Variants in ZNF385D observed in about 807,000 individuals in gnomAD.
ZNF385D encodes the protein zinc finger protein 659.
In ZNF385D, 15 loss-of-function variants were observed where a neutral mutation model predicts 35.8. That is an observed-to-expected ratio of 0.42 (90% CI 0.28 to 0.64). The LOEUF is 0.64. Among genes scored for constraint, ZNF385D ranks in the 30% least tolerant of loss-of-function variants. ZNF385D has a pLI of 0.23. For missense variants in ZNF385D, 474 were observed against 494.6 expected, an observed-to-expected ratio of 0.96 and a Z score of 0.39; for synonymous variants, 212 against 186.8, an observed-to-expected ratio of 1.13 and a Z score of -1.10.
intron 1 of ZNF385D, among the ~76,000 whole-genome samples, chr3:21,688,066 C>T (rs555517378): frequency 5.8e-4 from 88 of 152,088 alleles, no homozygotes; most frequent in African/African-American, 2.0e-3. Flanking sequence ...TTTTAAACAT[C>T]ATGGTAACTT....
At chr3:22,245,760 G>A (rs577259349) in intron 2 of ZNF385D, among the ~76,000 whole-genome samples, 1 of 142,704 alleles carries the variant, frequency 7.0e-6, no homozygotes, top group Admixed American at 6.9e-5. Flanking sequence ...GTGGTGGGGA[G>A]GGGGGGCTAT....
intron 4 of ZNF385D, among the ~76,000 whole-genome samples, chr3:21,460,657 ATATTT>A (rs1281246531): frequency 1.6e-4 from 25 of 152,242 alleles, no homozygotes; most frequent in African/African-American, 6.0e-4. Flanking sequence ...TGTGTAAAAA[ATATTT>A]TATATCATTT....
chr3:21,850,185 A>G (rs1316764412), intron 3 of ZNF385D, among the ~76,000 whole-genome samples: 1 of 152,098 alleles, frequency 6.6e-6, no homozygotes, highest in Admixed American at 6.6e-5. Context: ...TACTCACTTT[A>G]TCAAACATTT....
chr3:22,165,091 T>C (rs1017393234), intron 3 of ZNF385D, among the ~76,000 whole-genome samples: 3 of 152,212 alleles, frequency 2.0e-5, no homozygotes, highest in Non-Finnish European at 4.4e-5. Context: ...ATACATGTCA[T>C]TACACATTTT....
At chr3:22,214,610 C>T (rs13090794) in intron 2 of ZNF385D, among the ~76,000 whole-genome samples, 54,242 of 151,718 alleles carry the variant, frequency 0.36, 10,098 homozygotes, top group African/African-American at 0.44. Flanking sequence ...CTAAAATGGC[C>T]GCTTCAGGGG....
chr3:22,030,285 A>ATATATATATATATATGTATG (rs1697896000), intron 3 of ZNF385D, among the ~76,000 whole-genome samples: 1 of 86,744 alleles, frequency 1.2e-5, no homozygotes, highest in Admixed American at 1.1e-4. Context: ...ATATATATAT[A>ATATATATATATATATGTATG]TATATATATA....
chr3:21,588,177 A>G (rs780312656), intron 2 of ZNF385D, among the ~76,000 whole-genome samples: 2 of 152,192 alleles, frequency 1.3e-5, no homozygotes, highest in Non-Finnish European at 2.9e-5. Context: ...AAACAGAATC[A>G]TAATTAGAAA....
intron 3 of ZNF385D, among the ~76,000 whole-genome samples, chr3:22,126,877 T>A (rs1703463801): frequency 6.6e-6 from 1 of 152,190 alleles, no homozygotes; most frequent in African/African-American, 2.4e-5. Flanking sequence ...TATACAGTTA[T>A]AATTGGTATA....
At chr3:21,827,906 A>T (rs1041182416) in intron 3 of ZNF385D, among the ~76,000 whole-genome samples, 5 of 152,054 alleles carry the variant, frequency 3.3e-5, no homozygotes, top group Admixed American at 3.3e-4. Flanking sequence ...GAGTGTTGGT[A>T]GAGGGCTTAA....
upstream of ZNF385D, chr3:21,751,321 C>G (rs1266572704): frequency 1.9e-6 from 2 of 1,069,256 alleles, no homozygotes; most frequent in Admixed American, 5.1e-5. Context: ...TCTCGGGAAG[C>G]TTTGACGAGC....
At chr3:21,736,962 C>T (rs189849287) in intron 1 of ZNF385D, among the ~76,000 whole-genome samples, 171 of 152,198 alleles carry the variant, frequency 1.1e-3, no homozygotes, top group African/African-American at 3.7e-3. Context: ...TTTTTTGAGG[C>T]GGAGTCTCGC....
upstream of ZNF385D, among the ~76,000 whole-genome samples, chr3:21,755,165 C>T (rs928650732): frequency 6.6e-6 from 1 of 152,168 alleles, no homozygotes; most frequent in African/African-American, 2.4e-5. Flanking sequence ...CATTGCCTCG[C>T]CCTTGGCTTT....
chr3:21,753,052 G>A (rs1018833317), upstream of ZNF385D, among the ~76,000 whole-genome samples: 8 of 152,114 alleles, frequency 5.3e-5, no homozygotes, highest in African/African-American at 1.2e-4. Flanking sequence ...TAGGAGATTT[G>A]AAACATTAAA....
intron 3 of ZNF385D, among the ~76,000 whole-genome samples, chr3:21,927,541 A>G (rs1700789939): frequency 6.6e-6 from 1 of 152,194 alleles, no homozygotes; most frequent in South Asian, 2.1e-4. Context: ...ACGAAACAAA[A>G]AGAGATTGCT....
At chr3:21,761,878 T>A (rs2070629494) in intron 3 of ZNF385D, among the ~76,000 whole-genome samples, 1 of 92,602 alleles carries the variant, frequency 1.1e-5, no homozygotes, top group African/African-American at 3.4e-5. Context: ...CCTTTTTTTT[T>A]TTTTTTTTTT....
At chr3:21,823,230 T>C (rs553180662) in intron 3 of ZNF385D, among the ~76,000 whole-genome samples, 3 of 152,226 alleles carry the variant, frequency 2.0e-5, no homozygotes, top group Non-Finnish European at 4.4e-5. Flanking sequence ...TCTTACTTTA[T>C]GTAGTTGGTT....
chr3:21,552,034 A>G (rs2062584176), intron 3 of ZNF385D, among the ~76,000 whole-genome samples: 1 of 152,200 alleles, frequency 6.6e-6, no homozygotes, highest in Non-Finnish European at 1.5e-5. Flanking sequence ...AAAAAGGTTC[A>G]TAAGGCAAAA....
chr3:21,513,274 A>T (rs1290920387), intron 3 of ZNF385D, among the ~76,000 whole-genome samples: 1 of 152,188 alleles, frequency 6.6e-6, no homozygotes, highest in Non-Finnish European at 1.5e-5. Context: ...ACCTCTCTGC[A>T]CAGGCACAAC....
chr3:22,006,344 T>A (rs1388343728), intron 3 of ZNF385D, among the ~76,000 whole-genome samples: 1 of 152,134 alleles, frequency 6.6e-6, no homozygotes, highest in Non-Finnish European at 1.5e-5. Context: ...TCTGGGTCTG[T>A]GTTTCTACAT....
Sources: gnomAD v4.1 joint callset for allele counts (sites outside exome capture counted in the v4.1 genomes callset) on GRCh38, gnomAD v4.1.1 for gene constraint, MANE v1.5 for transcripts, NCBI Gene and HGNC (gene_info 2026-07-23, HGNC 2026-07-21) for gene names.